Variants in PLXNA4 observed in about 807,000 individuals in gnomAD.
PLXNA4 encodes plexin A4.
A neutral mutation model predicts 191.8 loss-of-function variants in PLXNA4; 44 were observed. That is an observed-to-expected ratio of 0.23 (90% CI 0.18 to 0.29). PLXNA4 has a LOEUF of 0.29. Ranked by LOEUF, PLXNA4 falls within the 10% of genes least tolerant of loss-of-function variation. The pLI is 1.00. For synonymous variants in PLXNA4, 1,082 were observed against 1,009.5 expected (o/e 1.07, Z -1.36); for missense variants, 1,800 against 2,488.8 (o/e 0.72, Z 5.89).
intron 29 of PLXNA4, among the ~76,000 whole-genome samples, chr7:132,143,169 A>G (rs1795318852): frequency 6.6e-6 from 1 of 152,206 alleles, no homozygotes; most frequent in Admixed American, 6.5e-5. Flanking sequence ...CTTTTCCATC[A>G]GAGACAATTA....
chr7:132,608,692 C>A (rs1802989054), intron 2 of PLXNA4, among the ~76,000 whole-genome samples: 1 of 152,136 alleles, frequency 6.6e-6, no homozygotes, highest in Non-Finnish European at 1.5e-5. Flanking sequence ...CATCCCCCAC[C>A]CCCGCACTCC....
At chr7:132,369,790 C>T (rs749339142) in intron 3 of PLXNA4, among the ~76,000 whole-genome samples, 2 of 151,900 alleles carry the variant, frequency 1.3e-5, no homozygotes, top group African/African-American at 4.8e-5. Context: ...GATATGCGGC[C>T]GGGCGCGGTG....
chr7:132,463,498 G>C (rs1018548061), intron 3 of PLXNA4, among the ~76,000 whole-genome samples: 5 of 152,206 alleles, frequency 3.3e-5, no homozygotes, highest in African/African-American at 2.4e-5. Flanking sequence ...GACAGATGAG[G>C]AAATTGATGC....
chr7:132,384,741 AGCATACACACAC>A, intron 3 of PLXNA4: 1 of 1,014,532 alleles, frequency 9.9e-7, no homozygotes. Context: ...AACACAGATA[AGCATACACACAC>A]ACACACACAC....
chr7:132,138,215 T>G (rs1193170247), intron 30 of PLXNA4, among the ~76,000 whole-genome samples: 1 of 152,274 alleles, frequency 6.6e-6, no homozygotes, highest in East Asian at 1.9e-4. Context: ...CCCAAATACA[T>G]GCAGAGCACA....
chr7:132,336,727 G>T (rs1196116323), intron 3 of PLXNA4, among the ~76,000 whole-genome samples: 1 of 152,210 alleles, frequency 6.6e-6, no homozygotes, highest in Non-Finnish European at 1.5e-5. Context: ...GAACATTCAG[G>T]CTGCAAAGCT....
intron 3 of PLXNA4, among the ~76,000 whole-genome samples, chr7:132,448,445 T>C (rs1434871699): frequency 6.6e-6 from 1 of 152,204 alleles, no homozygotes; most frequent in Non-Finnish European, 1.5e-5. Context: ...GCTTCTTTTT[T>C]CTGCAGAGCC....
At chr7:132,562,680 C>T (rs1438465040) in intron 1 of PLXNA4, among the ~76,000 whole-genome samples, 4 of 104,198 alleles carry the variant, frequency 3.8e-5, no homozygotes, top group Non-Finnish European at 7.8e-5. Context: ...CCTCCTCCTC[C>T]TCTCCTCCTT....
At chr7:132,275,106 A>G (rs1207757056) in intron 4 of PLXNA4, among the ~76,000 whole-genome samples, 1 of 152,116 alleles carries the variant, frequency 6.6e-6, no homozygotes, top group Non-Finnish European at 1.5e-5. Context: ...TGTTGCCCAC[A>G]ATTTTGTATC....
At chr7:132,301,652 C>T (rs1801310430) in intron 3 of PLXNA4, among the ~76,000 whole-genome samples, 1 of 152,162 alleles carries the variant, frequency 6.6e-6, no homozygotes, top group Non-Finnish European at 1.5e-5. Context: ...ACCTGCATTC[C>T]TTCAAGACGT....
At chr7:132,459,309 A>G (rs1361157169) in intron 3 of PLXNA4, among the ~76,000 whole-genome samples, 1 of 152,208 alleles carries the variant, frequency 6.6e-6, no homozygotes, top group Non-Finnish European at 1.5e-5. Context: ...ATCACTGCTA[A>G]TTTTAACACC....
rs1189154048 is a variant in PLXNA4, at chr7:132,145,457, C to T, written c.5056-169G>A. On this transcript the variant is annotated intron_variant, in intron 28 of 31. Coordinates refer to ENST00000321063, the MANE Select transcript of PLXNA4 (RefSeq NM_020911.2). ...AATCATTTTTTCCCATTTCATCTGT[C>T]TCTAACAGCTTTAAATTTCCCCTGC... The T allele has an allele frequency of 5.7e-6, 5 of 875,868 alleles. No individual in the cohort carries two copies. In the Admixed American group the frequency reaches 8.8e-5, roughly 15 times the overall value. The allele number at this position is 875,868 out of a possible 1,614,324, so 54.3% of individuals were successfully genotyped here.
chr7:132,599,751 T>C (rs1207372030), intron 2 of PLXNA4, among the ~76,000 whole-genome samples: 1 of 152,088 alleles, frequency 6.6e-6, no homozygotes, highest in East Asian at 1.9e-4. Context: ...ATAACGGCCG[T>C]CTTATTCTAT....
At chr7:132,606,036 C>T (rs150047316) in intron 2 of PLXNA4, among the ~76,000 whole-genome samples, 40 of 152,272 alleles carry the variant, frequency 2.6e-4, no homozygotes, top group African/African-American at 7.7e-4. Context: ...CAATGGCACA[C>T]GCCTGTAACC....
intron 20 of PLXNA4, 90 bp downstream of exon 20, chr7:132,179,597 A>G: frequency 6.6e-7 from 1 of 1,520,860 alleles, no homozygotes; most frequent in Non-Finnish European, 8.9e-7. Context: ...TTGTATATGA[A>G]ACATATGCAT....
chr7:132,483,996 TG>T (rs1317610223), intron 3 of PLXNA4, among the ~76,000 whole-genome samples: 7 of 151,890 alleles, frequency 4.6e-5, no homozygotes, highest in Admixed American at 4.6e-4. Context: ...GCAGGGAAGG[TG>T]GGTGGGCCCA....
At chr7:132,478,913 T>G (rs897132717) in intron 3 of PLXNA4, among the ~76,000 whole-genome samples, 1 of 152,138 alleles carries the variant, frequency 6.6e-6, no homozygotes, top group Non-Finnish European at 1.5e-5. Flanking sequence ...TCCAACCTCC[T>G]TGCCACCAAA....
intron 14 of PLXNA4, among the ~76,000 whole-genome samples, chr7:132,188,951 G>GACGAAAGGAAAGGAA (rs1796968276): frequency 2.0e-5 from 1 of 49,984 alleles, no homozygotes; most frequent in Non-Finnish European, 5.4e-5. Context: ...CCTTCCCAGA[G>GACGAAAGGAAAGGAA]AGGAAAGGAA....
chr7:132,343,078 A>G (rs1010148673), intron 3 of PLXNA4, among the ~76,000 whole-genome samples: 6 of 152,158 alleles, frequency 3.9e-5, no homozygotes, highest in African/African-American at 1.4e-4. Context: ...CTAAAGTTCT[A>G]GTACTGAAGA....
Sources: gnomAD v4.1 joint callset for allele counts (sites outside exome capture counted in the v4.1 genomes callset) on GRCh38, gnomAD v4.1.1 for gene constraint, MANE v1.5 for transcripts, NCBI Gene and HGNC (gene_info 2026-07-23, HGNC 2026-07-21) for gene names.